The following TMEM131 variants were observed in gnomAD, a reference collection of about 807,000 sequenced individuals.
TMEM131 encodes 2610524E03Rik.
In TMEM131, 66 loss-of-function variants were observed where a neutral mutation model predicts 211.6. The ratio of observed to expected loss-of-function variants is 0.31; its 90% confidence interval spans 0.26 to 0.38. The LOEUF (loss-of-function observed/expected upper bound fraction) is 0.38. Ranked by LOEUF, TMEM131 falls within the 10% of genes least tolerant of loss-of-function variation. TMEM131 has a pLI of 1.00. For missense variants in TMEM131, 2,036 were observed against 2,299.3 expected (o/e 0.89, Z 2.34); for synonymous variants, 844 against 841.3 (o/e 1.00, Z -0.06).
At chr2:97,827,069 A>C (rs1419728043) in intron 11 of TMEM131, among the ~76,000 whole-genome samples, 3 of 14,036 alleles carry the variant, frequency 2.1e-4, no homozygotes, top group Non-Finnish European at 6.1e-4. Flanking sequence ...AGTGATAAGC[A>C]AAAAAAAAAA....
chr2:97,855,053 A>G (rs1673780427), intron 5 of TMEM131, among the ~76,000 whole-genome samples: 1 of 152,212 alleles, frequency 6.6e-6, no homozygotes, highest in Non-Finnish European at 1.5e-5. Flanking sequence ...CAAACTCCCC[A>G]GAGTATGTAT....
At chr2:97,932,050 AC>A in intron 1 of TMEM131, among the ~76,000 whole-genome samples, 1 of 152,132 alleles carries the variant, frequency 6.6e-6, no homozygotes, top group East Asian at 1.9e-4. Context: ...TAGGATAATG[AC>A]ATTGTGCTTG....
chr2:97,760,459 C>G, intron 38 of TMEM131, 134 bp downstream of exon 38: 1 of 845,402 alleles, frequency 1.2e-6, no homozygotes. Context: ...CTTAGAGGCA[C>G]TTGACCACTT....
chr2:97,975,544 A>G (rs1679493151), intron 1 of TMEM131, among the ~76,000 whole-genome samples: 2 of 152,124 alleles, frequency 1.3e-5, no homozygotes, highest in South Asian at 4.1e-4. Flanking sequence ...AAATTCTTTG[A>G]AAGATATTAA....
chr2:97,842,686 T>C (rs62154552), intron 6 of TMEM131, among the ~76,000 whole-genome samples: 8,051 of 152,108 alleles, frequency 0.053, 305 homozygotes, highest in Middle Eastern at 0.12. Context: ...AAAGACTAGA[T>C]GTGAAGAGGT....
intron 1 of TMEM131, among the ~76,000 whole-genome samples, chr2:97,965,283 A>G (rs745828362): frequency 6.6e-6 from 1 of 152,140 alleles, no homozygotes; most frequent in Middle Eastern, 3.2e-3. Context: ...TCACCGATTA[A>G]TTCTTTTCCT....
intron 1 of TMEM131, among the ~76,000 whole-genome samples, chr2:97,962,387 C>CCA (rs1203784503): frequency 6.6e-6 from 1 of 152,004 alleles, no homozygotes; most frequent in Non-Finnish European, 1.5e-5. Flanking sequence ...GTCTGTAGTC[C>CCA]CAGCTACTTG....
At chr2:97,926,112 CAAA>C (rs879920203) in intron 2 of TMEM131, among the ~76,000 whole-genome samples, 5 of 88,776 alleles carry the variant, frequency 5.6e-5, no homozygotes, top group Non-Finnish European at 7.1e-5. Flanking sequence ...GACCCTGTCT[CAAA>C]AAAAAAAAAA....
Position 97,762,105 on chromosome 2 carries a change from G to T in TMEM131, c.4819C>A (p.Pro1607Thr), listed in dbSNP as rs754042625. 3.1e-6 allele frequency: 5 copies of T among 1,613,042 alleles called. No homozygotes were observed. The highest frequency in any genetic ancestry group is 1.3e-5 in the African/African-American group (1 of 74,882). ...QTSPTPASPS[P>T]PAAPCPFVAR... is the part of the protein sequence containing the mutation. ...ACAAAGGGGCAGGGGGCAGCTGGGGGAGACGGGGAAGCAGGTGTCGGTGAG... is the reference window on the plus strand; with the variant it reads ...ACAAAGGGGCAGGGGGCAGCTGGGGTAGACGGGGAAGCAGGTGTCGGTGAG... Residue 1607 changes from proline (P) to threonine (T), a missense_variant, in exon 36 of 41, where the codon CCC becomes ACC. Physicochemically the swap from Pro to Thr is conservative, Grantham distance 38. Transcript: ENST00000186436.
chr2:97,948,884 C>T (rs1198076572), intron 1 of TMEM131, among the ~76,000 whole-genome samples: 3 of 152,116 alleles, frequency 2.0e-5, no homozygotes, highest in African/African-American at 7.2e-5. Context: ...GTCTCGATCT[C>T]CTGACCTCGT....
At chr2:97,969,423 T>G (rs1679199644) in intron 1 of TMEM131, among the ~76,000 whole-genome samples, 1 of 152,214 alleles carries the variant, frequency 6.6e-6, no homozygotes, top group South Asian at 2.1e-4. Flanking sequence ...TCCATTAGTC[T>G]GTTACTTCTT....
intron 19 of TMEM131, among the ~76,000 whole-genome samples, chr2:97,806,949 G>C (rs554817170): frequency 6.6e-6 from 1 of 152,216 alleles, no homozygotes; most frequent in African/African-American, 2.4e-5. Context: ...AGGAGCCCTC[G>C]GGCAGTCACC....
chr2:97,995,102 A>G (rs966527950), intron 1 of TMEM131, among the ~76,000 whole-genome samples: 1 of 152,276 alleles, frequency 6.6e-6, no homozygotes, highest in Admixed American at 6.5e-5. Flanking sequence ...ACCACATTTT[A>G]AAGTAAGCTC....
intron 4 of TMEM131, among the ~76,000 whole-genome samples, chr2:97,868,969 T>G (rs537263129): frequency 1.1e-4 from 17 of 152,230 alleles, no homozygotes; most frequent in African/African-American, 4.1e-4. Context: ...TGCAGGAAGC[T>G]CAATCGATAC....
In TMEM131 at chr2:97,995,778, T is replaced by G. The variant is rs1225272041; in HGVS notation, c.-116A>C. 2 of 759,486 alleles carry G rather than the reference T, an allele frequency of 2.6e-6. No homozygotes were observed. Among genetic ancestry groups the G allele is most frequent in the Non-Finnish European group, 3.4e-6 (2 of 590,938 alleles). 47.0% of individuals were successfully genotyped at this position (759,486 alleles called of 1,614,324 possible). A position where few individuals can be genotyped will look rare whatever the true frequency, so the allele number is the denominator to read the frequency against. ...GCCGCGGCGCCGGGAGCGACAACGG[T>G]TGCGAGCCCGGGGCTCGATCTCCGA... On this transcript the variant is annotated 5_prime_UTR_variant, in exon 1 of 41. Transcript: ENST00000186436.
chr2:97,957,894 A>G (rs919423357), intron 1 of TMEM131, among the ~76,000 whole-genome samples: 2 of 152,234 alleles, frequency 1.3e-5, no homozygotes, highest in Non-Finnish European at 2.9e-5. Context: ...GCTAACGGCT[A>G]AGGCTGGACC....
chr2:97,945,055 AAAC>A (rs1398661316), intron 1 of TMEM131, among the ~76,000 whole-genome samples: 1 of 152,242 alleles, frequency 6.6e-6, no homozygotes, highest in African/African-American at 2.4e-5. Flanking sequence ...TCAAAAATGA[AAAC>A]AACCTAAATG....
At chr2:97,771,816 T>C (rs1290948004) in intron 33 of TMEM131, among the ~76,000 whole-genome samples, 1 of 152,266 alleles carries the variant, frequency 6.6e-6, no homozygotes, top group Non-Finnish European at 1.5e-5. Context: ...GGTAGAACCG[T>C]CTGACTGGTG....
chr2:97,840,945 T>A (rs78388658), intron 7 of TMEM131, among the ~76,000 whole-genome samples: 3,064 of 152,296 alleles, frequency 0.02, 113 homozygotes, highest in African/African-American at 0.071. Flanking sequence ...TCTTCCATTG[T>A]TTATGAACAG....
Sources: gnomAD v4.1 joint callset for allele counts (sites outside exome capture counted in the v4.1 genomes callset) on GRCh38, gnomAD v4.1.1 for gene constraint, MANE v1.5 for transcripts, NCBI Gene and HGNC (gene_info 2026-07-23, HGNC 2026-07-21) for gene names.